The following ZNF469 variants were observed in gnomAD, a reference collection of about 807,000 sequenced individuals.
ZNF469 encodes the protein zinc finger protein 469.
A neutral mutation model predicts 1.0 loss-of-function variants in ZNF469; 1 was observed. That is an observed-to-expected ratio of 1.00 (90% CI 0.35 to 4.73). ZNF469 has a LOEUF of 4.73. Ranked by LOEUF, ZNF469 falls within the 30% of genes most tolerant of loss-of-function variation. ZNF469 has a pLI of 0.16. For missense variants in ZNF469, 6,100 were observed against 5,356.3 expected (o/e 1.14, Z -4.33); for synonymous variants, 2,703 against 2,363.4 (o/e 1.14, Z -4.17).
Position 88,428,908 on chromosome 16 carries a change from G to A in ZNF469, c.1438G>A (p.Ala480Thr). 1.3e-6 allele frequency: 2 copies of A among 1,546,402 alleles called. No individual in the cohort carries two copies. Among genetic ancestry groups the A allele is most frequent in the Non-Finnish European group, 1.7e-6 (2 of 1,145,494 alleles). Residue 480 changes from alanine to threonine, a missense_variant, in exon 3 of 3, where the codon GCC becomes ACC. Coordinates refer to ENST00000565624, the MANE Select transcript of ZNF469 (RefSeq NM_001367624.2). ...CCAGCGGCTCTGCCTCCCCCAGAGT[G>A]CCCCCCTGCCTTGGCCCCAAGTGCT... ...PGQRLCLPQS[A>T]PLPWPQVLPT...
the ZNF469 span, among the ~76,000 whole-genome samples, chr16:88,336,630 C>T: frequency 6.6e-5 from 10 of 152,190 alleles, no homozygotes; most frequent in East Asian, 3.9e-4. Flanking sequence ...GAGACACTAA[C>T]GTGCCAACAG....
At chr16:88,239,707 ATATATATATTTTTTTTTTTTTTTTT>A in the ZNF469 span, among the ~76,000 whole-genome samples, 1 of 5,398 alleles carries the variant, frequency 1.9e-4, no homozygotes, top group Non-Finnish European at 2.8e-4. Context: ...ATATATATAT[ATATATATATTTTTTTTTTTTTTTTT>A]TTTTTTTTTA....
upstream of ZNF469, among the ~76,000 whole-genome samples, chr16:88,378,825 G>A (rs1304733636): frequency 6.6e-6 from 1 of 152,228 alleles, no homozygotes. Flanking sequence ...AGCTTGCTTT[G>A]AAAACTCCCA....
At chr16:88,410,787 C>T (rs1316914679) in intron 1 of ZNF469, among the ~76,000 whole-genome samples, 1 of 152,170 alleles carries the variant, frequency 6.6e-6, no homozygotes, top group Non-Finnish European at 1.5e-5. Context: ...GTGCAGGTCA[C>T]GTGGTCATGG....
chr16:88,231,746 A>C, the ZNF469 span, among the ~76,000 whole-genome samples: 2 of 152,042 alleles, frequency 1.3e-5, no homozygotes, highest in Non-Finnish European at 2.9e-5. The surrounding 1 kb of genome is among the most constrained non-coding windows in gnomAD (Gnocchi z 4.5). Context: ...GATGACACTG[A>C]GCCACCGGGA....
the ZNF469 span, among the ~76,000 whole-genome samples, chr16:88,343,261 G>A: frequency 0.026 from 3,948 of 152,262 alleles, 166 homozygotes; most frequent in African/African-American, 0.09. Context: ...AAGTAAACAT[G>A]GTATGGGGTT....
the ZNF469 span, among the ~76,000 whole-genome samples, chr16:88,134,018 C>G: frequency 6.6e-6 from 1 of 152,174 alleles, no homozygotes; most frequent in Non-Finnish European, 1.5e-5. Flanking sequence ...TCAATAGAAC[C>G]CCCCCGGAGG....
chr16:88,114,287 T>G, the ZNF469 span, among the ~76,000 whole-genome samples: 8 of 51,396 alleles, frequency 1.6e-4, no homozygotes, highest in Non-Finnish European at 1.8e-4. Context: ...AGGGACCACA[T>G]TCACTCACTG....
chr16:88,290,093 G>A, the ZNF469 span, among the ~76,000 whole-genome samples: 5 of 152,210 alleles, frequency 3.3e-5, no homozygotes, highest in African/African-American at 1.2e-4. Context: ...TCGTGGGTGA[G>A]CTGTCTGTAG....
the ZNF469 span, among the ~76,000 whole-genome samples, chr16:88,160,246 G>A: frequency 5.3e-5 from 8 of 152,308 alleles, no homozygotes; most frequent in East Asian, 1.2e-3. Flanking sequence ...GCAAAGAGAC[G>A]GCAAATATCA....
the ZNF469 span, among the ~76,000 whole-genome samples, chr16:88,109,391 G>C: frequency 6.6e-6 from 1 of 152,242 alleles, no homozygotes; most frequent in East Asian, 1.9e-4. Flanking sequence ...ACTCAGATCT[G>C]TTTCCTGGGA....
Position 88,430,199 on chromosome 16 carries a change from C to T in ZNF469, c.2729C>T (p.Thr910Ile), listed in dbSNP as rs770131798. 8 of 1,545,826 alleles carry T rather than the reference C, an allele frequency of 5.2e-6. No homozygotes were observed. In the South Asian group the frequency reaches 6.0e-5, roughly 12 times the overall value. The change falls in exon 3 of 3, where the codon ACC becomes ATC. Residue 910 changes from threonine to isoleucine, a missense_variant. Transcript: ENST00000565624. ...CCAGCAGCCACGCCGGACCCCCAAACCCCCCGCCCTGGGGACAGGGGCTGC... is the reference window on the plus strand; with the variant it reads ...CCAGCAGCCACGCCGGACCCCCAAATCCCCCGCCCTGGGGACAGGGGCTGC... ...PLPAATPDPQ[T>I]PRPGDRGCPA... is the part of the protein sequence containing the mutation.
chr16:88,351,684 G>A, the ZNF469 span, among the ~76,000 whole-genome samples: 2 of 152,146 alleles, frequency 1.3e-5, no homozygotes, highest in Admixed American at 1.3e-4. Flanking sequence ...GCCCTCTGTG[G>A]AGGCCCCCAC....
In ZNF469 at chr16:88,424,667, C is replaced by G. The variant is rs909488088; in HGVS notation, c.-191-140C>G. Among the ~76,000 whole-genome samples the G allele has an allele frequency of 7.9e-5, 12 of 152,090 alleles. No homozygotes were observed. Among genetic ancestry groups the G allele is most frequent in the African/African-American group, 2.9e-4 (12 of 41,424 alleles). Reference sequence around the variant, plus strand: ...GGGGAGCTCACCCATCTCCCGGTGGCTCTTGGTGGCTTCCCGGTGCCCTGA... The same window carrying G: ...GGGGAGCTCACCCATCTCCCGGTGGGTCTTGGTGGCTTCCCGGTGCCCTGA... On this transcript the variant is annotated intron_variant, in intron 1 of 2. Transcript: ENST00000565624. The surrounding 1 kb of genome is among the most constrained non-coding windows in gnomAD (Gnocchi z 4.3).
chr16:88,249,417 C>CTTTTTTTTTTTTTTTTTTT, the ZNF469 span, among the ~76,000 whole-genome samples: 1 of 92,984 alleles, frequency 1.1e-5, no homozygotes, highest in Non-Finnish European at 1.9e-5. Context: ...CTTTTTCTTT[C>CTTTTTTTTTTTTTTTTTTT]TTTTTCTTTT....
At chr16:88,404,828 A>T (rs1904982241) in intron 1 of ZNF469, among the ~76,000 whole-genome samples, 1 of 152,188 alleles carries the variant, frequency 6.6e-6, no homozygotes, top group Non-Finnish European at 1.5e-5. Flanking sequence ...ATCGGCACCC[A>T]ACTGGGTCAC....
chr16:88,186,352 G>A, the ZNF469 span, among the ~76,000 whole-genome samples: 14 of 152,206 alleles, frequency 9.2e-5, no homozygotes, highest in Admixed American at 2.0e-4. Flanking sequence ...AGCCAACAAT[G>A]GGAGGCCGTG....
the ZNF469 span, among the ~76,000 whole-genome samples, chr16:88,376,717 G>A: frequency 1.4e-3 from 215 of 152,376 alleles, 3 homozygotes; most frequent in East Asian, 0.031. Flanking sequence ...GGGTTACCGC[G>A]GCAGATGGGG....
chr16:88,404,499 G>C (rs1167427451), intron 1 of ZNF469, among the ~76,000 whole-genome samples: 1 of 152,230 alleles, frequency 6.6e-6, no homozygotes, highest in African/African-American at 2.4e-5. Context: ...GGCCTTCGTG[G>C]TGGGGAGAGG....
Sources: allele counts gnomAD v4.1 joint callset (sites outside exome capture counted in the v4.1 genomes callset), GRCh38; gene constraint gnomAD v4.1.1; non-coding constraint Gnocchi (gnomAD v3.1); transcripts MANE v1.5; gene names NCBI Gene and HGNC (gene_info 2026-07-23, HGNC 2026-07-21).